CD1D: variants seen among roughly 807,000 people sequenced by gnomAD.
CD1D encodes the protein antigen-presenting glycoprotein CD1d.
CD1D carries 40 observed loss-of-function variants against 42.1 expected under a neutral mutation model. The ratio of observed to expected loss-of-function variants is 0.95; its 90% CI spans 0.74 to 1.24. CD1D has a LOEUF of 1.24. CD1D is among the 50% of genes most tolerant of loss of function. The pLI is 0.00. For missense variants in CD1D, 437 were observed against 416.5 expected (o/e 1.05, Z -0.43); for synonymous variants, 178 against 171.8 (o/e 1.04, Z -0.28).
chr1:158,182,510 G>C, intron 3 of CD1D, 200 bp downstream of exon 3: 2 of 636,382 alleles, frequency 3.1e-6, no homozygotes, highest in South Asian at 1.9e-5. Flanking sequence ...ATGAACAACT[G>C]GGGGTGAAAG....
upstream of CD1D, among the ~76,000 whole-genome samples, chr1:158,178,348 G>C (rs1648251897): frequency 6.6e-6 from 1 of 152,158 alleles, no homozygotes; most frequent in Admixed American, 6.5e-5. Context: ...TCTTTAGTTC[G>C]TTGGTATTAT....
chr1:158,178,513 T>C (rs1050862414), upstream of CD1D, among the ~76,000 whole-genome samples: 2 of 152,222 alleles, frequency 1.3e-5, no homozygotes, highest in Admixed American at 1.3e-4. Context: ...AATTTGACGT[T>C]GTGAATTGTG....
In CD1D at chr1:158,180,910, A is replaced by G. The variant is rs887314587; in HGVS notation, c.-192A>G. The G allele has an allele frequency of 8.2e-6, 4 of 485,520 alleles. No homozygotes were observed. In the South Asian group the frequency reaches 1.7e-4, roughly 21 times the overall value. The allele number at this position is 485,520 out of a possible 1,614,324, so 30.1% of individuals were successfully genotyped here. A position where few individuals can be genotyped will look rare whatever the true frequency, so the allele number is the denominator to read the frequency against. On this transcript the variant is annotated 5_prime_UTR_variant, in exon 1 of 6. Transcript: ENST00000674085. ...CGACCTCTTTGCAGCTCGCACAGCTAAGGGCGAGGGCGCCCTTCGGCAGAA... is the reference window on the plus strand; with the variant it reads ...CGACCTCTTTGCAGCTCGCACAGCTGAGGGCGAGGGCGCCCTTCGGCAGAA...
chr1:158,178,578 CAGCCTCTCAAAATTGAGAGGCTG>C (rs1411021792), upstream of CD1D, among the ~76,000 whole-genome samples: 1 of 152,160 alleles, frequency 6.6e-6, no homozygotes, highest in Non-Finnish European at 1.5e-5. Flanking sequence ...AGGTTTTGGT[CAGCCTCTCAAAATTGAGAGGCTG>C]AAACCCTTTG....
chr1:158,181,204 GGA>G (rs771672738), intron 1 of CD1D, 42 bp downstream of exon 1: 4 of 1,544,478 alleles, frequency 2.6e-6, no homozygotes, highest in African/African-American at 2.7e-5. Context: ...GCGGGAGGGC[GGA>G]GAGAGGGAGC....
At chr1:158,180,845 C>T (rs1648356181), upstream of CD1D, 1 of 405,282 alleles carries the variant, frequency 2.5e-6, no homozygotes, top group Non-Finnish European at 4.4e-6. Context: ...GGTTGTGAAA[C>T]CTACTGAAGT....
chr1:158,183,515 C>G (rs1031238370), intron 4 of CD1D, among the ~76,000 whole-genome samples: 2 of 152,178 alleles, frequency 1.3e-5, no homozygotes, highest in African/African-American at 4.8e-5. Context: ...GTTGAGTGCT[C>G]CCTGTGTAGG....
chr1:158,181,001 A>T lies in CD1D; in HGVS notation c.-101A>T. 9.0e-7 allele frequency: 1 copy of T among 1,116,466 alleles called. No homozygotes were observed. The highest frequency in any genetic ancestry group is 1.2e-6 in the Non-Finnish European group (1 of 811,296). The allele number at this position is 1,116,466 out of a possible 1,614,324, so 69.2% of individuals were successfully genotyped here. ...GGTCTGGGCTTGGGAATTGGCTGGC[A>T]CCCAGCGGAAAGGGACGTGAGCTGA... On this transcript the variant is annotated 5_prime_UTR_variant, in exon 1 of 6. Transcript: ENST00000674085.
chr1:158,183,070 T>G lies in CD1D; in HGVS notation c.800T>G (p.Leu267Arg). 6.2e-7 allele frequency: 1 copy of G among 1,614,158 alleles called. No homozygotes were observed. Among genetic ancestry groups the G allele is most frequent in the Non-Finnish European group, 8.5e-7 (1 of 1,180,008 alleles). ...GAGACATGGTATCTCCGAGCAACCC[T>G]GGATGTGGTGGCTGGGGAGGCAGCT... ...ADETWYLRATLDVVAGEAAGL... is the reference protein window; with the variant it reads ...ADETWYLRATRDVVAGEAAGL... Residue 267 changes from leucine to arginine, a missense_variant, in exon 4 of 6, where the codon CTG becomes CGG. Leu to Arg is a moderately radical substitution (Grantham distance 102). Transcript: ENST00000674085.
In CD1D at chr1:158,183,052, G is replaced by A; in HGVS notation, c.782G>A (p.Trp261Ter). Reference protein sequence around the residue: ...GDILPNADETWYLRATLDVVA... With the variant: ...GDILPNADET ...ATCCTGCCCAATGCTGACGAGACAT[G>A]GTATCTCCGAGCAACCCTGGATGTG... Residue 261 changes from tryptophan to a stop codon, truncating the protein, a stop_gained, in exon 4 of 6, where the codon TGG becomes TAG. Transcript: ENST00000674085. LOFTEE classifies it high-confidence loss of function. 6.2e-7 allele frequency: 1 copy of A among 1,614,148 alleles called. No individual in the cohort carries two copies. Among genetic ancestry groups the A allele is most frequent in the Non-Finnish European group, 8.5e-7 (1 of 1,180,004 alleles).
At chr1:158,183,881 A>G in intron 4 of CD1D, 55 bp from the exon 5 acceptor site, 4 of 1,347,322 alleles carry the variant, frequency 3.0e-6, no homozygotes, top group Non-Finnish European at 3.2e-6. Context: ...AGGGGATTGG[A>G]TATATGTAGA....
In CD1D at chr1:158,182,099, C is replaced by A. The variant is rs764439411; in HGVS notation, c.396C>A (p.Phe132Leu). The change falls in exon 3 of 6, where the codon TTC becomes TTA. Residue 132 changes from phenylalanine (F) to leucine (L), a missense_variant. Coordinates refer to ENST00000674085, the MANE Select transcript of CD1D (RefSeq NM_001371762.2). ...CTGGGAACGCCTCAAATAACTTCTT[C>A]CATGTAGCATTTCAAGGAAAAGATA... ...VHPGNASNNFFHVAFQGKDIL... is the reference protein window; with the variant it reads ...VHPGNASNNFLHVAFQGKDIL... 3 of 1,613,986 alleles carry A rather than the reference C, an allele frequency of 1.9e-6. No individual in the cohort carries two copies. The highest frequency in any genetic ancestry group is 2.5e-6 in the Non-Finnish European group (3 of 1,180,004).
Position 158,182,918 on chromosome 1 carries a change from C to A in CD1D, c.648C>A (p.Gly216=). 6.2e-7 allele frequency: 1 copy of A among 1,613,472 alleles called. No individual in the cohort carries two copies. Among genetic ancestry groups the A allele is most frequent in the Non-Finnish European group, 8.5e-7 (1 of 1,179,568 alleles). Residue 216 remains glycine, a synonymous_variant, in exon 4 of 6, where the codon GGC becomes GGA. Coordinates refer to ENST00000674085, the MANE Select transcript of CD1D (RefSeq NM_001371762.2). ...GGCTGTCCCGTGGCCCCAGTCCTGG[C>A]CCTGGCCGTCTGCTGCTGGTGTGCC... ...KAWLSRGPSP[G]PGRLLLVCHV... is the part of the protein sequence containing the mutation.
upstream of CD1D, among the ~76,000 whole-genome samples, chr1:158,179,725 G>A (rs976690643): frequency 6.6e-6 from 1 of 152,174 alleles, no homozygotes; most frequent in Admixed American, 6.5e-5. Context: ...GAAATAACTA[G>A]GCATTGGGAG....
chr1:158,181,846 C>G, intron 2 of CD1D, 125 bp downstream of exon 2: 1 of 1,396,686 alleles, frequency 7.2e-7, no homozygotes, highest in Non-Finnish European at 9.8e-7. Context: ...TCTGATTTCC[C>G]TTCTACCTGG....
In CD1D at chr1:158,183,047, G is replaced by A. The variant is rs1648527787; in HGVS notation, c.777G>A (p.Glu259=). The part of the protein sequence containing the change: ...QPGDILPNAD[E]TWYLRATLDV... ...GGGACATCCTGCCCAATGCTGACGA[G>A]ACATGGTATCTCCGAGCAACCCTGG... The change falls in exon 4 of 6, where the codon GAG becomes GAA. Residue 259 remains glutamate (E), a synonymous_variant. Coordinates refer to ENST00000674085, the MANE Select transcript of CD1D (RefSeq NM_001371762.2). The A allele has an allele frequency of 6.2e-7, 1 of 1,614,156 alleles. No homozygotes were observed. The highest frequency in any genetic ancestry group is 8.5e-7 in the Non-Finnish European group (1 of 1,180,002).
Position 158,182,400 on chromosome 1 carries a change from A to G in CD1D, c.607+90A>G, listed in dbSNP as rs185203224. On this transcript the variant is annotated intron_variant, in intron 3 of 5. Transcript: ENST00000674085. ...GGGTTCTCATCCCTTTGAGCATTCA[A>G]AGAAGAGGAAGGCCCAGGAGGGGCT... is the stretch of plus-strand genomic sequence containing the variant. The G allele has an allele frequency of 4.1e-6, 6 of 1,448,764 alleles. No individual in the cohort carries two copies. In the African/African-American group the frequency reaches 7.0e-5, roughly 17 times the overall value. 89.7% of individuals were successfully genotyped at this position (1,448,764 alleles called of 1,614,324 possible). A position where few individuals can be genotyped will look rare whatever the true frequency, so the allele number is the denominator to read the frequency against.
chr1:158,182,809 T>TA lies in CD1D; in HGVS notation c.608-68dup, dbSNP rs1308710352. On this transcript the variant is annotated intron_variant, in intron 3 of 5. Transcript: ENST00000674085. ...AAGACCTGAAAGTCAAAAAGGATGATATGAGGCCTGGAGCCTCTAATGCAG... is the reference window on the plus strand; with the variant it reads ...AAGACCTGAAAGTCAAAAAGGATGATAATGAGGCCTGGAGCCTCTAATGCAG... 2.7e-6 allele frequency: 4 copies of TA among 1,494,738 alleles called. No individual in the cohort carries two copies. The African/African-American group carries it at 4.2e-5, about 16-fold the overall frequency. 92.6% of individuals were successfully genotyped at this position (1,494,738 alleles called of 1,614,324 possible).
Position 158,184,258 on chromosome 1 carries a change from T to C in CD1D, c.*108T>C. 3.6e-6 allele frequency: 4 copies of C among 1,113,958 alleles called. No individual in the cohort carries two copies. The South Asian group carries it at 5.3e-5, about 15-fold the overall frequency. The allele number at this position is 1,113,958 out of a possible 1,614,324, so 69.0% of individuals were successfully genotyped here. Reference sequence around the variant, plus strand: ...AATTGAAGATGTAAGGAATTGAAGATAGGAGAGATACCTTGAAAAAGTAGA... The same window carrying C: ...AATTGAAGATGTAAGGAATTGAAGACAGGAGAGATACCTTGAAAAAGTAGA... On this transcript the variant is annotated 3_prime_UTR_variant, in exon 6 of 6. Transcript: ENST00000674085.
Sources: gnomAD v4.1 joint callset for allele counts (sites outside exome capture counted in the v4.1 genomes callset) on GRCh38, gnomAD v4.1.1 for gene constraint, MANE v1.5 for transcripts, NCBI Gene and HGNC (gene_info 2026-07-23, HGNC 2026-07-21) for gene names.